Variants in LMNTD1 observed in about 807,000 individuals in gnomAD.
LMNTD1 encodes lamin tail domain-containing protein 1.
In LMNTD1, 35 loss-of-function variants were observed where a neutral mutation model predicts 50.9. That is an observed-to-expected ratio of 0.69 (90% CI 0.53 to 0.91). The LOEUF is 0.91. LMNTD1 is among the 40% of genes least tolerant of loss of function. LMNTD1 has a pLI of 0.00. For missense variants in LMNTD1, 470 were observed against 475.5 expected (o/e 0.99, Z 0.11); for synonymous variants, 153 against 161.9 (o/e 0.94, Z 0.42).
intron 1 of LMNTD1, among the ~76,000 whole-genome samples, chr12:25,614,958 A>G (rs184094022): frequency 3.3e-5 from 5 of 152,266 alleles, no homozygotes; most frequent in African/African-American, 9.6e-5. Flanking sequence ...TTATAAGGTC[A>G]TTAGTCATAT....
intron 4 of LMNTD1, among the ~76,000 whole-genome samples, chr12:25,535,403 G>A (rs1247711303): frequency 8.8e-6 from 1 of 113,204 alleles, no homozygotes; most frequent in East Asian, 2.8e-4. Flanking sequence ...AATATTTGAA[G>A]AAATAATGGT....
At chr12:25,571,113 G>A (rs984315584) in intron 1 of LMNTD1, among the ~76,000 whole-genome samples, 1 of 152,108 alleles carries the variant, frequency 6.6e-6, no homozygotes, top group African/African-American at 2.4e-5. Context: ...TTAACAAGGG[G>A]TCCCGTAAAT....
intron 1 of LMNTD1, among the ~76,000 whole-genome samples, chr12:25,572,844 G>A (rs1944852301): frequency 1.4e-5 from 2 of 141,450 alleles, no homozygotes; most frequent in African/African-American, 5.1e-5. Context: ...ATAACTTTAG[G>A]GAAAAAAACA....
At chr12:25,645,632 A>G (rs983755455) in intron 1 of LMNTD1, among the ~76,000 whole-genome samples, 3 of 152,228 alleles carry the variant, frequency 2.0e-5, no homozygotes, top group African/African-American at 7.2e-5. Context: ...GCCACAGAAC[A>G]TTAGATCTGA....
At chr12:25,527,679 TATACAC>T (rs1292811037) in intron 4 of LMNTD1, among the ~76,000 whole-genome samples, 9 of 19,256 alleles carry the variant, frequency 4.7e-4, no homozygotes, top group African/African-American at 1.1e-3. Flanking sequence ...TATATATATA[TATACAC>T]ACACACACAC....
At chr12:25,593,062 G>A (rs1201831766) in intron 1 of LMNTD1, 1 of 127,774 alleles carries the variant, frequency 7.8e-6, no homozygotes, top group Non-Finnish European at 1.6e-5. Context: ...AGCAGCTGCA[G>A]TAAGACCCGC....
At chr12:25,588,598 A>G (rs1945609353) in intron 1 of LMNTD1, among the ~76,000 whole-genome samples, 1 of 152,218 alleles carries the variant, frequency 6.6e-6, no homozygotes, top group African/African-American at 2.4e-5. Context: ...ATTGTCAAAA[A>G]AAAATCAAGG....
chr12:25,638,426 G>A (rs1046022153), intron 1 of LMNTD1, among the ~76,000 whole-genome samples: 2 of 151,962 alleles, frequency 1.3e-5, no homozygotes, highest in African/African-American at 4.8e-5. Flanking sequence ...ACATGATCCT[G>A]TATGTAGAAA....
intron 1 of LMNTD1, among the ~76,000 whole-genome samples, chr12:25,597,272 T>C (rs1160713986): frequency 6.6e-6 from 1 of 151,756 alleles, no homozygotes; most frequent in Non-Finnish European, 1.5e-5. Context: ...ACTTCATGTA[T>C]AAAAACACAC....
intron 4 of LMNTD1, among the ~76,000 whole-genome samples, chr12:25,537,633 G>C (rs10842575): frequency 0.62 from 92,966 of 150,426 alleles, 30,091 homozygotes; most frequent in Non-Finnish European, 0.71. Context: ...AAAAACAGAA[G>C]AGAAAAACTG....
At chr12:25,484,988 T>G (rs949689826) in intron 9 of LMNTD1, among the ~76,000 whole-genome samples, 1 of 152,070 alleles carries the variant, frequency 6.6e-6, no homozygotes, top group African/African-American at 2.4e-5. Flanking sequence ...TCTTTATAGC[T>G]GCATGATTTA....
At chr12:25,511,182 T>C (rs889124276) in intron 8 of LMNTD1, among the ~76,000 whole-genome samples, 3 of 152,164 alleles carry the variant, frequency 2.0e-5, no homozygotes, top group Non-Finnish European at 4.4e-5. Flanking sequence ...GGAGAATGTG[T>C]GATGAGATAG....
At chr12:25,614,325 C>T (rs61924666) in intron 1 of LMNTD1, among the ~76,000 whole-genome samples, 17,544 of 152,074 alleles carry the variant, frequency 0.12, 1,358 homozygotes, top group South Asian at 0.25. Flanking sequence ...GCTCAGTTCT[C>T]GGTACTGAGC....
chr12:25,550,629 C>A (rs903135682), intron 2 of LMNTD1, among the ~76,000 whole-genome samples: 3 of 152,190 alleles, frequency 2.0e-5, no homozygotes, highest in Non-Finnish European at 4.4e-5. Flanking sequence ...GCCAACCTCT[C>A]CTTGTTGTTC....
At chr12:25,477,684 C>T (rs1417593102) in intron 9 of LMNTD1, among the ~76,000 whole-genome samples, 1 of 151,962 alleles carries the variant, frequency 6.6e-6, no homozygotes, top group Non-Finnish European at 1.5e-5. Context: ...CCTGAAGGGC[C>T]TGGGTGATTT....
At chr12:25,511,243 C>T (rs1478740602) in intron 8 of LMNTD1, among the ~76,000 whole-genome samples, 1 of 151,886 alleles carries the variant, frequency 6.6e-6, no homozygotes, top group Non-Finnish European at 1.5e-5. Flanking sequence ...TTGGACTCCA[C>T]CATGAGGGCA....
chr12:25,477,018 T>G (rs1938289179), intron 9 of LMNTD1, among the ~76,000 whole-genome samples: 1 of 152,094 alleles, frequency 6.6e-6, no homozygotes, highest in South Asian at 2.1e-4. Context: ...TGACCCATAT[T>G]CCCTCTGTGC....
chr12:25,524,448 A>G (rs1941568119), intron 6 of LMNTD1, among the ~76,000 whole-genome samples: 1 of 152,236 alleles, frequency 6.6e-6, no homozygotes, highest in African/African-American at 2.4e-5. Context: ...CTATATGTGC[A>G]AAGTCATTAA....
At chr12:25,477,591 G>A (rs1938310742) in intron 9 of LMNTD1, among the ~76,000 whole-genome samples, 1 of 152,142 alleles carries the variant, frequency 6.6e-6, no homozygotes, top group African/African-American at 2.4e-5. Context: ...CTGTCTTGAG[G>A]GATGCCACCA....
Sources: allele counts gnomAD v4.1 joint callset (sites outside exome capture counted in the v4.1 genomes callset), GRCh38; gene constraint gnomAD v4.1.1; transcripts MANE v1.5; gene names NCBI Gene and HGNC (gene_info 2026-07-23, HGNC 2026-07-21).